Variants in ACTR3C observed in about 807,000 individuals in gnomAD.
ACTR3C encodes the protein actin-related protein 3C.
In ACTR3C, 18 loss-of-function variants were observed where a neutral mutation model predicts 26.3. That is an observed-to-expected ratio of 0.68 (90% confidence interval 0.47 to 1.01). ACTR3C has a LOEUF of 1.01. Ranked by LOEUF, ACTR3C falls within the 50% of genes least tolerant of loss-of-function variation. ACTR3C has a pLI of 0.00. For synonymous variants in ACTR3C, 55 were observed against 94.5 expected (o/e 0.58, Z 2.42); for missense variants, 184 against 250.7 (o/e 0.73, Z 1.80).
At chr7:150,003,725 GGTGTGGT>G in the ACTR3C span, among the ~76,000 whole-genome samples, 1 of 152,174 alleles carries the variant, frequency 6.6e-6, no homozygotes, top group Non-Finnish European at 1.5e-5. Context: ...TGTCTGGTGT[GGTGTGGT>G]GTGTGGTGTG....
At chr7:150,185,908 A>G in the ACTR3C span, among the ~76,000 whole-genome samples, 1 of 152,148 alleles carries the variant, frequency 6.6e-6, no homozygotes, top group African/African-American at 2.4e-5. Flanking sequence ...TGCTAATCAC[A>G]TATTACTGCC....
the ACTR3C span, among the ~76,000 whole-genome samples, chr7:149,883,611 G>C: frequency 6.6e-6 from 1 of 152,206 alleles, no homozygotes; most frequent in Non-Finnish European, 1.5e-5. Flanking sequence ...CTGCGTGCAG[G>C]ATGAAGTCTC....
intron 2 of ACTR3C, among the ~76,000 whole-genome samples, chr7:150,294,764 T>G (rs1002795172): frequency 2.6e-5 from 4 of 151,724 alleles, no homozygotes; most frequent in African/African-American, 9.7e-5. Flanking sequence ...TTACATAAGG[T>G]GGCAGGCAAA....
chr7:150,242,545 A>C (rs529107203), downstream of ACTR3C, among the ~76,000 whole-genome samples: 5 of 152,160 alleles, frequency 3.3e-5, no homozygotes, highest in African/African-American at 1.2e-4. Flanking sequence ...CTACAATAAA[A>C]TGAATTAGAA....
At chr7:150,071,326 A>G in the ACTR3C span, among the ~76,000 whole-genome samples, 3 of 148,658 alleles carry the variant, frequency 2.0e-5, no homozygotes, top group Non-Finnish European at 4.5e-5. Context: ...GGGTTTCACC[A>G]TGTTAGCCAG....
chr7:149,950,379 G>T, the ACTR3C span, among the ~76,000 whole-genome samples: 4 of 146,514 alleles, frequency 2.7e-5, no homozygotes, highest in Non-Finnish European at 5.9e-5. Flanking sequence ...ATCAGCGAGG[G>T]TTGGTTGCCA....
chr7:150,229,430 T>C, the ACTR3C span, among the ~76,000 whole-genome samples: 1 of 151,982 alleles, frequency 6.6e-6, no homozygotes, highest in Non-Finnish European at 1.5e-5. Context: ...TCCACATCTA[T>C]TGGTATGATG....
the ACTR3C span, chr7:150,047,985 C>G: frequency 8.4e-7 from 1 of 1,193,604 alleles, no homozygotes. Flanking sequence ...CAAGGCAAGC[C>G]CAGCGCCGGC....
the ACTR3C span, among the ~76,000 whole-genome samples, chr7:150,168,080 C>T: frequency 3.3e-5 from 5 of 150,708 alleles, no homozygotes; most frequent in African/African-American, 7.5e-5. Flanking sequence ...TCATTCATAC[C>T]GTTGGCAGCT....
the ACTR3C span, among the ~76,000 whole-genome samples, chr7:150,039,737 G>A: frequency 1.6e-3 from 230 of 144,072 alleles, no homozygotes; most frequent in African/African-American, 5.3e-3. Context: ...CACCCTCGCG[G>A]GGGGTGCCTC....
At chr7:150,121,156 T>C in the ACTR3C span, among the ~76,000 whole-genome samples, 299 of 152,264 alleles carry the variant, frequency 2.0e-3, 1 homozygote, top group African/African-American at 6.7e-3. Flanking sequence ...CTGGAAACAT[T>C]CCCTTTGAAA....
chr7:149,987,486 G>C, the ACTR3C span, among the ~76,000 whole-genome samples: 19 of 148,018 alleles, frequency 1.3e-4, no homozygotes, highest in South Asian at 4.6e-4. Flanking sequence ...AAAATCACTT[G>C]AACCTGGGAG....
rs114038668 is a variant in ACTR3C at position 150,308,533 on chromosome 7, T to C, written c.-51-13186A>G. Among the ~76,000 whole-genome samples the C allele has an allele frequency of 6.7e-3, 1,018 of 152,158 alleles. 16 individuals are homozygous for C. The highest frequency in any genetic ancestry group is 0.023 in the African/African-American group (935 of 41,496). On this transcript the variant is annotated intron_variant, in intron 1 of 7. Transcript: ENST00000683684. ...TTCCCTCCCTAGCCTCTGCTCCCAA[T>C]GCAGCTCATCCCAAATCCTTCTTCT...
chr7:150,160,167 C>T, the ACTR3C span, among the ~76,000 whole-genome samples: 879 of 151,858 alleles, frequency 5.8e-3, 10 homozygotes, highest in African/African-American at 0.02. Flanking sequence ...CTATAATTTA[C>T]TGAAGTTTAC....
At chr7:150,144,317 T>C in the ACTR3C span, among the ~76,000 whole-genome samples, 6 of 152,196 alleles carry the variant, frequency 3.9e-5, no homozygotes, top group Admixed American at 3.3e-4. The surrounding 1 kb of genome is among the most constrained non-coding windows in gnomAD (Gnocchi z 4.6). Flanking sequence ...AAGATTGTCT[T>C]AAGCACCTCA....
chr7:150,223,106 C>G, the ACTR3C span, among the ~76,000 whole-genome samples: 2 of 152,226 alleles, frequency 1.3e-5, no homozygotes, highest in African/African-American at 4.8e-5. Context: ...AAACTACCCC[C>G]ATAATCAACA....
At chr7:150,183,696 C>CAAAAAAAAAAAA in the ACTR3C span, among the ~76,000 whole-genome samples, 16 of 48,044 alleles carry the variant, frequency 3.3e-4, no homozygotes, top group African/African-American at 9.0e-4. Context: ...GTGGCTATGG[C>CAAAAAAAAAAAA]AAAAAAAAAA....
At chr7:150,125,023 A>G in the ACTR3C span, among the ~76,000 whole-genome samples, 2 of 152,188 alleles carry the variant, frequency 1.3e-5, no homozygotes, top group Non-Finnish European at 2.9e-5. Context: ...TTGACTTCAA[A>G]GTCTCTATTC....
At chr7:150,041,202 TC>T in the ACTR3C span, among the ~76,000 whole-genome samples, 1 of 150,314 alleles carries the variant, frequency 6.7e-6, no homozygotes, top group Admixed American at 6.6e-5. Flanking sequence ...AAGTTCCGGG[TC>T]CCCGACCCCT....
Sources: allele counts gnomAD v4.1 joint callset (sites outside exome capture counted in the v4.1 genomes callset), GRCh38; gene constraint gnomAD v4.1.1; non-coding constraint Gnocchi (gnomAD v3.1); transcripts MANE v1.5; gene names NCBI Gene and HGNC (gene_info 2026-07-23, HGNC 2026-07-21).